The following NFATC2 variants were observed in gnomAD, a reference collection of about 807,000 sequenced individuals.
NFATC2 encodes the protein nuclear factor of activated T-cells, cytoplasmic 2.
Under a neutral mutation model 87.3 loss-of-function variants are expected in NFATC2, and 22 were observed. The observed-to-expected ratio is 0.25, with a 90% CI of 0.18 to 0.36. The LOEUF is 0.36. Among genes scored for constraint, NFATC2 ranks in the 10% least tolerant of loss-of-function variants. NFATC2 has a pLI of 1.00. For synonymous variants in NFATC2, 565 were observed against 542.2 expected (o/e 1.04, Z -0.58); for missense variants, 1,149 against 1,259.1 (o/e 0.91, Z 1.32).
At chr20:51,511,180 C>T (rs566214677) in intron 3 of NFATC2, among the ~76,000 whole-genome samples, 2 of 152,366 alleles carry the variant, frequency 1.3e-5, no homozygotes, top group East Asian at 3.9e-4. Context: ...TGCCGCTCTG[C>T]CCTACTCCCC....
chr20:51,398,041 G>A (rs1987456731), intron 10 of NFATC2, among the ~76,000 whole-genome samples: 1 of 151,426 alleles, frequency 6.6e-6, no homozygotes, highest in Admixed American at 6.6e-5. Context: ...TGGGTGAGGG[G>A]CTCAGCCGAG....
chr20:51,420,540 G>A (rs943043718), intron 9 of NFATC2, among the ~76,000 whole-genome samples: 2 of 152,010 alleles, frequency 1.3e-5, no homozygotes, highest in Admixed American at 1.3e-4. Flanking sequence ...CAAATAAATT[G>A]CAATATAATA....
In NFATC2 at chr20:51,389,894, G is replaced by T. The variant is rs1986140844; in HGVS notation, c.*1602C>A. On this transcript the variant is annotated 3_prime_UTR_variant, in exon 11 of 11. Transcript: ENST00000371564. Reference sequence around the variant, plus strand: ...AGACTGGACTGAGAAAACACTCTAAGTACAGTCTGAGTGCTAAGAATATTT... The same window carrying T: ...AGACTGGACTGAGAAAACACTCTAATTACAGTCTGAGTGCTAAGAATATTT... 1 of 152,166 alleles carries T rather than the reference G, an allele frequency of 6.6e-6. No homozygotes were observed. The allele number at this position is 152,166 out of a possible 1,614,324, so 9.4% of individuals were successfully genotyped here.
chr20:51,398,011 G>A (rs995783763), intron 10 of NFATC2, among the ~76,000 whole-genome samples: 2 of 152,308 alleles, frequency 1.3e-5, no homozygotes, highest in Admixed American at 6.5e-5. Context: ...CTCTGTGGAG[G>A]CCCATCGAGG....
intron 9 of NFATC2, among the ~76,000 whole-genome samples, chr20:51,425,743 T>C (rs1386219392): frequency 6.6e-6 from 1 of 152,224 alleles, no homozygotes; most frequent in East Asian, 1.9e-4. Flanking sequence ...CCCTGCTTCC[T>C]GAGCTTTGGA....
At chr20:51,535,951 T>G (rs2076713209) in intron 1 of NFATC2, among the ~76,000 whole-genome samples, 1 of 152,220 alleles carries the variant, frequency 6.6e-6, no homozygotes, top group Admixed American at 6.5e-5. Context: ...CTCCCCACTC[T>G]GCATGTGGCT....
In NFATC2 at chr20:51,390,151, C is replaced by G. The variant is rs6021174; in HGVS notation, c.*1345G>C. On this transcript the variant is annotated 3_prime_UTR_variant, in exon 11 of 11. Transcript: ENST00000371564. ...AAGGAAATCACATATAACATGCAACCGAATAGAGCTCATTCAAAGTAAAGG... is the reference window on the plus strand; with the variant it reads ...AAGGAAATCACATATAACATGCAACGGAATAGAGCTCATTCAAAGTAAAGG... 1 of 152,098 alleles carries G rather than the reference C, an allele frequency of 6.6e-6. No homozygotes were observed. The highest frequency in any genetic ancestry group is 1.9e-4 in the East Asian group (1 of 5,174). 9.4% of individuals were successfully genotyped at this position (152,098 alleles called of 1,614,324 possible).
At chr20:51,457,306 AT>A (rs1986655490) in intron 5 of NFATC2, among the ~76,000 whole-genome samples, 1 of 152,138 alleles carries the variant, frequency 6.6e-6, no homozygotes, top group Non-Finnish European at 1.5e-5. Flanking sequence ...CATCCCACCC[AT>A]TTTACAGGTG....
chr20:51,503,398 G>A (rs922832876), intron 3 of NFATC2, among the ~76,000 whole-genome samples: 1 of 152,194 alleles, frequency 6.6e-6, no homozygotes, highest in Non-Finnish European at 1.5e-5. Context: ...AGCCCCAGAA[G>A]GTCAAATTAT....
At chr20:51,544,720 G>A (rs112492466), upstream of NFATC2, among the ~76,000 whole-genome samples, 3 of 152,190 alleles carry the variant, frequency 2.0e-5, no homozygotes, top group South Asian at 2.1e-4. Flanking sequence ...TGTATTCAAC[G>A]ACCTGAGCAC....
upstream of NFATC2, among the ~76,000 whole-genome samples, chr20:51,543,975 A>ATTTTTTTTTTTTTTTTTTTTTT (rs11473264): frequency 8.2e-5 from 6 of 72,978 alleles, no homozygotes; most frequent in African/African-American, 1.2e-4. Context: ...AGAATTCCTA[A>ATTTTTTTTTTTTTTTTTTTTTT]TTTTTTTTTT....
chr20:51,502,569 C>T (rs918578794), intron 3 of NFATC2, among the ~76,000 whole-genome samples: 17 of 152,154 alleles, frequency 1.1e-4, no homozygotes, highest in Admixed American at 5.2e-4. Flanking sequence ...CTCCTGGCCT[C>T]AAGTGATCTT....
chr20:51,406,291 C>T (rs1988554904), intron 9 of NFATC2, among the ~76,000 whole-genome samples: 1 of 152,220 alleles, frequency 6.6e-6, no homozygotes, highest in Non-Finnish European at 1.5e-5. Flanking sequence ...GAATGCAGCT[C>T]AGCACAAACA....
At chr20:51,397,374 C>T (rs981671266) in intron 10 of NFATC2, among the ~76,000 whole-genome samples, 15 of 152,124 alleles carry the variant, frequency 9.9e-5, no homozygotes. Context: ...GGACTGTAGC[C>T]CAGAGCTGTG....
chr20:51,443,612 T>A (rs1208340614), intron 6 of NFATC2, among the ~76,000 whole-genome samples: 1 of 152,180 alleles, frequency 6.6e-6, no homozygotes, highest in South Asian at 2.1e-4. Flanking sequence ...CCAGTGCCAT[T>A]GACCAGAAGT....
intron 9 of NFATC2, among the ~76,000 whole-genome samples, chr20:51,401,989 C>T (rs1450563806): frequency 1.3e-5 from 2 of 152,222 alleles, no homozygotes; most frequent in Non-Finnish European, 1.5e-5. Flanking sequence ...GGAAACCCTG[C>T]GTGCATCTCC....
At chr20:51,508,054 G>A (rs752922227) in intron 3 of NFATC2, among the ~76,000 whole-genome samples, 2 of 152,166 alleles carry the variant, frequency 1.3e-5, no homozygotes, top group Non-Finnish European at 2.9e-5. Flanking sequence ...CAGAAATACT[G>A]CAAGTTTCAG....
intron 5 of NFATC2, among the ~76,000 whole-genome samples, chr20:51,456,090 G>A (rs1986503285): frequency 7.1e-6 from 1 of 140,850 alleles, no homozygotes; most frequent in Non-Finnish European, 1.6e-5. Context: ...GTGGAAGGGT[G>A]GGTGTGTGGA....
intron 9 of NFATC2, among the ~76,000 whole-genome samples, chr20:51,422,417 T>C (rs1981068258): frequency 1.3e-5 from 2 of 152,088 alleles, no homozygotes; most frequent in Non-Finnish European, 2.9e-5. Context: ...TTCTTGACAC[T>C]CTGGATGGGC....
Sources: gnomAD v4.1 joint callset for allele counts (sites outside exome capture counted in the v4.1 genomes callset) on GRCh38, gnomAD v4.1.1 for gene constraint, MANE v1.5 for transcripts, NCBI Gene and HGNC (gene_info 2026-07-23, HGNC 2026-07-21) for gene names.